R3HDM2: variants seen among roughly 807,000 people sequenced by gnomAD.
The protein encoded by R3HDM2 is R3H domain-containing protein 2.
R3HDM2 carries 38 observed loss-of-function variants against 124.5 expected under a neutral mutation model. That is an observed-to-expected ratio of 0.31 (90% CI 0.24 to 0.40). R3HDM2 has a LOEUF of 0.40. Ranked by LOEUF, R3HDM2 falls within the 10% of genes least tolerant of loss-of-function variation. The pLI is 1.00. For missense variants in R3HDM2, 869 were observed against 1,236.9 expected, an observed-to-expected ratio of 0.70 and a Z score of 4.46; for synonymous variants, 391 against 448.0, an observed-to-expected ratio of 0.87 and a Z score of 1.61.
intron 1 of R3HDM2, among the ~76,000 whole-genome samples, chr12:57,397,842 A>G (rs575153): frequency 0.43 from 66,016 of 152,068 alleles, 15,066 homozygotes; most frequent in South Asian, 0.52. Flanking sequence ...CAAGAGCAAC[A>G]TAATTTTGAC....
chr12:57,360,045 ATAT>A (rs374364523), intron 2 of R3HDM2, among the ~76,000 whole-genome samples: 4,873 of 76,888 alleles, frequency 0.063, 122 homozygotes, highest in African/African-American at 0.12. Context: ...ATATATATAT[ATAT>A]TTTTTTTTTT....
chr12:57,292,971 C>T (rs2048962131), intron 10 of R3HDM2, among the ~76,000 whole-genome samples: 1 of 151,544 alleles, frequency 6.6e-6, no homozygotes, highest in Non-Finnish European at 1.5e-5. Flanking sequence ...AGGTAGCCTC[C>T]AGTCAGTAAG....
chr12:57,338,180 G>A (rs1208241633), intron 2 of R3HDM2, among the ~76,000 whole-genome samples: 1 of 152,124 alleles, frequency 6.6e-6, no homozygotes, highest in Non-Finnish European at 1.5e-5. Context: ...GCGCATGCCT[G>A]TACTCCCAGC....
chr12:57,406,853 G>A (rs1350458070), intron 1 of R3HDM2, among the ~76,000 whole-genome samples: 2 of 152,158 alleles, frequency 1.3e-5, no homozygotes, highest in African/African-American at 4.8e-5. Flanking sequence ...CCACAATAAT[G>A]TCAATCAATT....
chr12:57,260,479 G>A (rs568622097), intron 19 of R3HDM2, among the ~76,000 whole-genome samples: 116 of 151,874 alleles, frequency 7.6e-4, no homozygotes, highest in African/African-American at 2.8e-3. Context: ...TTAATAAGGA[G>A]GAACATTAAG....
intron 2 of R3HDM2, among the ~76,000 whole-genome samples, chr12:57,376,560 G>A (rs530051281): frequency 1.3e-5 from 2 of 152,284 alleles, no homozygotes; most frequent in East Asian, 3.9e-4. Context: ...GGAAGATGAG[G>A]CAGGAGGTTC....
In R3HDM2 at chr12:57,254,905, C is replaced by T; in HGVS notation, c.2841G>A (p.Val947=). Residue 947 remains valine (V), a synonymous_variant, in exon 24 of 24, where the codon GTG becomes GTA. Coordinates refer to ENST00000402412, the MANE Select transcript of R3HDM2 (RefSeq NM_001394031.1). ...CAGCCAGGGGGCTGGGGAACACAGC[C>T]ACAATGGTGTACAAGGCAGCGAGGT... ...HSDLAALYTI[V]AVFPSPLAAQ... 6.2e-7 allele frequency: 1 copy of T among 1,614,158 alleles called. No homozygotes were observed. Among genetic ancestry groups the T allele is most frequent in the Non-Finnish European group, 8.5e-7 (1 of 1,180,020 alleles).
intron 19 of R3HDM2, among the ~76,000 whole-genome samples, chr12:57,262,223 A>C (rs1048335710): frequency 6.6e-6 from 1 of 152,162 alleles, no homozygotes; most frequent in Non-Finnish European, 1.5e-5. Context: ...TCTTCACTAA[A>C]TGGAAGACGA....
chr12:57,386,081 T>C (rs992947726), intron 2 of R3HDM2, among the ~76,000 whole-genome samples: 5 of 152,252 alleles, frequency 3.3e-5, no homozygotes, highest in African/African-American at 1.2e-4. Flanking sequence ...TGCTGCTGTT[T>C]TGTAAAAAGT....
intron 1 of R3HDM2, among the ~76,000 whole-genome samples, chr12:57,397,334 C>T (rs1443883582): frequency 2.0e-5 from 3 of 152,112 alleles, no homozygotes; most frequent in African/African-American, 7.2e-5. Flanking sequence ...CCTTAATATG[C>T]CCAAGTCAGT....
intron 2 of R3HDM2, among the ~76,000 whole-genome samples, chr12:57,327,634 G>A (rs904641339): frequency 1.3e-5 from 2 of 152,132 alleles, no homozygotes; most frequent in African/African-American, 4.8e-5. Context: ...ATATCAACAC[G>A]AACAGGAGTT....
chr12:57,269,884 G>T lies in R3HDM2; in HGVS notation c.1455C>A (p.His485Gln), dbSNP rs757115793. 6 of 1,614,078 alleles carry T rather than the reference G, an allele frequency of 3.7e-6. No homozygotes were observed. In the East Asian group the frequency reaches 6.7e-5, roughly 18 times the overall value. ...CCATGATGAAGCTAGTCTGCTGAGGGTGCTGGGAGATAAGTGGGGTCTGGA... is the reference window on the plus strand; with the variant it reads ...CCATGATGAAGCTAGTCTGCTGAGGTTGCTGGGAGATAAGTGGGGTCTGGA... ...ALFQTPLISQ[H>Q]PQQTSFIMAS... Residue 485 changes from histidine to glutamine, a missense_variant, in exon 15 of 24, where the codon CAC becomes CAA. Coordinates refer to ENST00000402412, the MANE Select transcript of R3HDM2 (RefSeq NM_001394031.1).
At chr12:57,326,888 C>T (rs1593311651) in intron 2 of R3HDM2, among the ~76,000 whole-genome samples, 2 of 152,036 alleles carry the variant, frequency 1.3e-5, no homozygotes, top group South Asian at 4.1e-4. Flanking sequence ...TCAACTCTGC[C>T]TGTGCTCTAA....
At chr12:57,303,351 T>G in intron 3 of R3HDM2, 134 bp from the exon 4 acceptor site, 1 of 750,330 alleles carries the variant, frequency 1.3e-6, no homozygotes, top group South Asian at 1.7e-5. Flanking sequence ...GAGGACCACT[T>G]GATGTGGGTT....
intron 10 of R3HDM2, among the ~76,000 whole-genome samples, chr12:57,294,936 G>A (rs2138501582): frequency 6.6e-6 from 1 of 152,276 alleles, no homozygotes; most frequent in South Asian, 2.1e-4. Flanking sequence ...CTTTATAATT[G>A]GGTAAATTAG....
intron 18 of R3HDM2, among the ~76,000 whole-genome samples, chr12:57,267,384 G>A (rs2042696902): frequency 1.3e-5 from 2 of 152,158 alleles, no homozygotes; most frequent in East Asian, 1.9e-4. Context: ...GCGAAACCCC[G>A]TCTCTACTAA....
chr12:57,345,625 C>G (rs1358026807), intron 2 of R3HDM2, among the ~76,000 whole-genome samples: 1 of 152,056 alleles, frequency 6.6e-6, no homozygotes, highest in East Asian at 1.9e-4. Context: ...CGTTGAACTT[C>G]TGGGCTCAAG....
intron 2 of R3HDM2, among the ~76,000 whole-genome samples, chr12:57,368,358 T>C (rs2062906733): frequency 6.6e-6 from 1 of 152,204 alleles, no homozygotes; most frequent in South Asian, 2.1e-4. Flanking sequence ...GAATTTAACC[T>C]TGCCCAAAGA....
chr12:57,354,829 A>C (rs1427114623), intron 2 of R3HDM2, among the ~76,000 whole-genome samples: 1 of 152,090 alleles, frequency 6.6e-6, no homozygotes, highest in Non-Finnish European at 1.5e-5. Context: ...TCTTTAAAAA[A>C]GAATTTTATT....
Sources: gnomAD v4.1 joint callset for allele counts (sites outside exome capture counted in the v4.1 genomes callset) on GRCh38, gnomAD v4.1.1 for gene constraint, MANE v1.5 for transcripts, NCBI Gene and HGNC (gene_info 2026-07-23, HGNC 2026-07-21) for gene names.